Variants in MTPN observed in about 807,000 individuals in gnomAD.
The protein encoded by MTPN is granule cell differentiation protein.
MTPN carries 2 observed loss-of-function variants against 13.5 expected under a neutral mutation model. That is an observed-to-expected ratio of 0.15 (90% confidence interval 0.06 to 0.47). MTPN has a LOEUF of 0.47. Ranked by LOEUF, MTPN falls within the 20% of genes least tolerant of loss-of-function variation. MTPN has a pLI of 0.97. For missense variants in MTPN, 79 were observed against 137.9 expected (o/e 0.57, Z 2.14); for synonymous variants, 46 against 51.7 (o/e 0.89, Z 0.48).
intron 1 of MTPN, among the ~76,000 whole-genome samples, chr7:135,969,785 G>A (rs1460618001): frequency 6.6e-6 from 1 of 152,112 alleles, no homozygotes; most frequent in African/African-American, 2.4e-5. Context: ...AACGATATTT[G>A]CAAAACATGA....
Position 135,927,693 on chromosome 7 carries a change from T to C in MTPN, c.*2233A>G, listed in dbSNP as rs893065790. Reference sequence around the variant, plus strand: ...GAACCATCTTGGTCAGTCTATTCTATTCTATGTTTATATGTTATTTTCTCA... The same window carrying C: ...GAACCATCTTGGTCAGTCTATTCTACTCTATGTTTATATGTTATTTTCTCA... On this transcript the variant is annotated 3_prime_UTR_variant, in exon 4 of 4. Coordinates refer to ENST00000393085, the MANE Select transcript of MTPN (RefSeq NM_145808.4). 4 of 551,096 alleles carry C rather than the reference T, an allele frequency of 7.3e-6. No homozygotes were observed. Among genetic ancestry groups the C allele is most frequent in the South Asian group, 3.1e-5 (2 of 64,300 alleles). The allele number at this position is 551,096 out of a possible 1,614,324, so 34.1% of individuals were successfully genotyped here.
intron 1 of MTPN, among the ~76,000 whole-genome samples, chr7:135,956,207 T>C (rs989375125): frequency 6.6e-6 from 1 of 152,174 alleles, no homozygotes; most frequent in Non-Finnish European, 1.5e-5. Flanking sequence ...GGTGATGAAA[T>C]AGGAAAGGAA....
At chr7:135,941,881 CT>C (rs564045963) in intron 3 of MTPN, among the ~76,000 whole-genome samples, 10,142 of 136,128 alleles carry the variant, frequency 0.075, 352 homozygotes, top group African/African-American at 0.1. Context: ...TGTTATATTA[CT>C]TTTTTTTTTT....
intron 3 of MTPN, among the ~76,000 whole-genome samples, chr7:135,930,738 C>T (rs896271992): frequency 2.2e-4 from 33 of 152,178 alleles, no homozygotes; most frequent in African/African-American, 8.0e-4. Flanking sequence ...CACCACTGTA[C>T]TCCAGCACTT....
intron 3 of MTPN, chr7:135,932,920 T>C (rs1396122146): frequency 6.6e-6 from 1 of 151,836 alleles, no homozygotes; most frequent in Non-Finnish European, 1.5e-5. Flanking sequence ...CAAAACCCCA[T>C]CTCTACTAAA....
intron 1 of MTPN, among the ~76,000 whole-genome samples, chr7:135,968,727 GAAA>G (rs35463488): frequency 1.7e-3 from 159 of 96,106 alleles, no homozygotes; most frequent in African/African-American, 6.0e-3. Flanking sequence ...CAGCATTCCA[GAAA>G]AAAAAAAAAA....
At chr7:135,932,148 C>A (rs1365773363) in intron 3 of MTPN, 1 of 151,984 alleles carries the variant, frequency 6.6e-6, no homozygotes, top group East Asian at 1.9e-4. Context: ...GATTATAAAA[C>A]CGAGATGCTT....
At chr7:135,946,555 C>T (rs6947511) in intron 3 of MTPN, among the ~76,000 whole-genome samples, 42,842 of 152,040 alleles carry the variant, frequency 0.28, 6,226 homozygotes, top group Non-Finnish European at 0.29. Context: ...TATGTATTGT[C>T]TATGGCAATG....
At chr7:135,943,877 T>A (rs1799248832) in intron 3 of MTPN, among the ~76,000 whole-genome samples, 1 of 152,246 alleles carries the variant, frequency 6.6e-6, no homozygotes, top group South Asian at 2.1e-4. Flanking sequence ...AACAAAATGA[T>A]AGCTTATAAT....
At chr7:135,968,840 CA>C (rs1799644940) in intron 1 of MTPN, among the ~76,000 whole-genome samples, 1 of 151,400 alleles carries the variant, frequency 6.6e-6, no homozygotes, top group Non-Finnish European at 1.5e-5. Flanking sequence ...TTTAAGGAAT[CA>C]CCTGCAAAAA....
At chr7:135,939,729 C>G (rs974047754) in intron 3 of MTPN, among the ~76,000 whole-genome samples, 6 of 151,962 alleles carry the variant, frequency 3.9e-5, no homozygotes, top group Non-Finnish European at 7.4e-5. Flanking sequence ...TGGCTAAACT[C>G]CACCTTTCTT....
intron 3 of MTPN, among the ~76,000 whole-genome samples, chr7:135,931,116 C>G (rs1237308086): frequency 6.6e-6 from 1 of 152,128 alleles, no homozygotes; most frequent in East Asian, 1.9e-4. Context: ...AGATGGGATG[C>G]CTTATCCTCT....
intron 1 of MTPN, among the ~76,000 whole-genome samples, chr7:135,957,821 C>T (rs1169775879): frequency 6.6e-6 from 1 of 152,052 alleles, no homozygotes; most frequent in Non-Finnish European, 1.5e-5. Flanking sequence ...GGCACCTCCT[C>T]CCTCCCTTGC....
At chr7:135,930,629 G>C (rs1331851398) in intron 3 of MTPN, among the ~76,000 whole-genome samples, 1 of 152,086 alleles carries the variant, frequency 6.6e-6, no homozygotes, top group African/African-American at 2.4e-5. Flanking sequence ...TCTGCAACGC[G>C]GCATTCTGGT....
At chr7:135,968,817 T>C (rs1419476606) in intron 1 of MTPN, among the ~76,000 whole-genome samples, 3 of 151,496 alleles carry the variant, frequency 2.0e-5, no homozygotes, top group Admixed American at 1.3e-4. Context: ...CTTGAGATTA[T>C]GGGAAAAAAA....
Position 135,927,478 on chromosome 7 carries a change from T to C in MTPN, c.*2448A>G, listed in dbSNP as rs554773111. ...AAAACTACAGAACATGCAAAATTTTTTCTGAGATGTTAAGTATTACTTCAG... is the reference window on the plus strand; with the variant it reads ...AAAACTACAGAACATGCAAAATTTTCTCTGAGATGTTAAGTATTACTTCAG... On this transcript the variant is annotated 3_prime_UTR_variant, in exon 4 of 4. Coordinates refer to ENST00000393085, the MANE Select transcript of MTPN (RefSeq NM_145808.4). 14 of 1,465,878 alleles carry C rather than the reference T, an allele frequency of 9.6e-6. No homozygotes were observed. In the African/African-American group the frequency reaches 1.8e-4, roughly 19 times the overall value. The allele number at this position is 1,465,878 out of a possible 1,614,324, so 90.8% of individuals were successfully genotyped here.
intron 1 of MTPN, among the ~76,000 whole-genome samples, chr7:135,957,627 G>T (rs1175959861): frequency 3.3e-5 from 5 of 152,118 alleles, no homozygotes; most frequent in Non-Finnish European, 7.4e-5. Context: ...CTATAATTTT[G>T]ATGTGTGTCC....
intron 3 of MTPN, among the ~76,000 whole-genome samples, chr7:135,945,870 G>A (rs1364550566): frequency 6.6e-6 from 1 of 152,142 alleles, no homozygotes; most frequent in Non-Finnish European, 1.5e-5. Context: ...ACTGTTGACT[G>A]AAACGTCATT....
chr7:135,942,439 G>A (rs540866178), intron 3 of MTPN, among the ~76,000 whole-genome samples: 4 of 152,212 alleles, frequency 2.6e-5, no homozygotes, highest in African/African-American at 9.6e-5. Context: ...TATACTGAGA[G>A]GCAGTATAAT....
Sources: allele counts gnomAD v4.1 joint callset (sites outside exome capture counted in the v4.1 genomes callset), GRCh38; gene constraint gnomAD v4.1.1; transcripts MANE v1.5; gene names NCBI Gene and HGNC (gene_info 2026-07-23, HGNC 2026-07-21).